The following TTC16 variants were observed in gnomAD, a reference collection of about 807,000 sequenced individuals.
TTC16 encodes tetratricopeptide repeat domain 16.
Under a neutral mutation model 80.4 loss-of-function variants are expected in TTC16, and 66 were observed. The observed-to-expected ratio is 0.82, with a 90% CI of 0.67 to 1.01. TTC16 has a LOEUF of 1.01. Ranked by LOEUF, TTC16 falls within the 50% of genes least tolerant of loss-of-function variation. The probability of loss-of-function intolerance (pLI) is 0.00; values close to 1 mark genes in which losing one functional copy is unlikely to be tolerated. For missense variants in TTC16, 1,070 were observed against 1,103.2 expected, an observed-to-expected ratio of 0.97 and a Z score of 0.43; for synonymous variants, 438 against 451.3, an observed-to-expected ratio of 0.97 and a Z score of 0.37.
chr9:127,729,545 T>TA (rs1210017940), intron 12 of TTC16, 36 bp from the exon 13 acceptor site: 1 of 1,588,122 alleles, frequency 6.3e-7, no homozygotes, highest in East Asian at 2.2e-5. Context: ...ACGGGCCTCC[T>TA]ACCATCTGAA....
intron 6 of TTC16, among the ~76,000 whole-genome samples, chr9:127,721,047 G>A (rs1332937958): frequency 6.7e-6 from 1 of 150,194 alleles, no homozygotes; most frequent in African/African-American, 2.5e-5. Context: ...AACCTGGGCT[G>A]GGCACAGGGA....
Position 127,730,817 on chromosome 9 carries a change from G to T in TTC16, c.2034G>T (p.Gln678His), listed in dbSNP as rs910012985. Residue 678 changes from glutamine (Q) to histidine (H), a missense_variant, in exon 14 of 14, where the codon CAG (glutamine) becomes CAT (histidine). Transcript: ENST00000373289. ...GAAAAATCAAGGCCACCCAGGGCCA[G>T]AGGCAGAGCCTTAGCAAGACTGAGC... ...GPRKIKATQG[Q>H]RQSLSKTEPT... The T allele has an allele frequency of 6.2e-7, 1 of 1,611,328 alleles. No individual in the cohort carries two copies. Among genetic ancestry groups the T allele is most frequent in the Non-Finnish European group, 8.5e-7 (1 of 1,179,304 alleles).
chr9:127,724,389 G>A (rs752288176), intron 8 of TTC16, 25 bp downstream of exon 8: 2 of 1,607,774 alleles, frequency 1.2e-6, no homozygotes, highest in Non-Finnish European at 1.7e-6. Context: ...GGGCACTGGG[G>A]AGGGGGGGTG....
chr9:127,717,025 C>T lies in TTC16; in HGVS notation c.191+9C>T, dbSNP rs754160589. The T allele has an allele frequency of 1.2e-6, 2 of 1,609,576 alleles. No individual in the cohort carries two copies. Among genetic ancestry groups the T allele is most frequent in the South Asian group, 2.2e-5 (2 of 90,954 alleles). ...CTCAAAGTCAGGGAATAGTGAGTGA[C>T]TACCTTGCTTTGGGGTCCCAGGTTC... is the stretch of plus-strand genomic sequence containing the variant. On this transcript the variant is annotated intron_variant, in intron 2 of 13. Transcript: ENST00000373289.
At chr9:127,724,577 C>G in intron 8 of TTC16, 179 bp from the exon 9 acceptor site, 7 of 1,110,106 alleles carry the variant, frequency 6.3e-6, no homozygotes, top group Admixed American at 2.8e-5. Context: ...TTAAAATGCT[C>G]AAAACAGGCA....
chr9:127,720,936 CTTCCTCCT>C (rs913318632), intron 6 of TTC16, among the ~76,000 whole-genome samples: 1 of 136,754 alleles, frequency 7.3e-6, no homozygotes, highest in African/African-American at 2.8e-5. Flanking sequence ...TCCCTTCCCC[CTTCCTCCT>C]TTCCTCCTCT....
At position 127,723,243 on chromosome 9, in the gene TTC16, T is replaced by G; in HGVS notation, c.782T>G (p.Leu261Arg). Residue 261 changes from leucine (L) to arginine (R), a missense_variant, in exon 7 of 14, where the codon CTG becomes CGG. Coordinates refer to ENST00000373289, the MANE Select transcript of TTC16 (RefSeq NM_144965.3). ...AQQARQDAGI[L>R]AVQGKLQHAL... ...CAGGCGCGCCAAGATGCGGGGATCC[T>G]GGCTGTGCAGGGCAAGCTGCAGCAC... is the stretch of plus-strand genomic sequence containing the variant. The G allele has an allele frequency of 1.2e-6, 2 of 1,612,966 alleles. No homozygotes were observed. The highest frequency in any genetic ancestry group is 2.2e-5 in the South Asian group (2 of 91,088).
Position 127,724,146 on chromosome 9 carries a change from A to G in TTC16, c.899A>G (p.Glu300Gly). ...GGCACCATGTACCGACGGCTCCAGG[A>G]GTTCGATGGGGCAGTGGAGGACTTC... ...FRGTMYRRLQ[E>G]FDGAVEDFLK... The change falls in exon 8 of 14, where the codon GAG becomes GGG. Residue 300 changes from glutamate to glycine, a missense_variant. Transcript: ENST00000373289. 6.2e-7 allele frequency: 1 copy of G among 1,612,504 alleles called. No homozygotes were observed. The highest frequency in any genetic ancestry group is 8.5e-7 in the Non-Finnish European group (1 of 1,179,658).
At chr9:127,729,797 G>A (rs537490811) in intron 13 of TTC16, 129 bp downstream of exon 13, 18 of 798,766 alleles carry the variant, frequency 2.3e-5, no homozygotes, top group Non-Finnish European at 3.3e-5. Context: ...GGCCTGGGGC[G>A]AGTGGCTCTA....
chr9:127,729,693 G>T (rs1366942755), intron 13 of TTC16, 25 bp downstream of exon 13: 1 of 1,606,742 alleles, frequency 6.2e-7, no homozygotes, highest in Non-Finnish European at 8.5e-7. Context: ...CTTCCGCCAG[G>T]CCTCAGGAAG....
At position 127,729,763 on chromosome 9, in the gene TTC16, C is replaced by CG. The variant is rs1212672333; in HGVS notation, c.1852+97dup. 4.5e-6 allele frequency: 5 copies of CG among 1,119,326 alleles called. No homozygotes were observed. The African/African-American group carries it at 4.6e-5, about 10-fold the overall frequency. The allele number at this position is 1,119,326 out of a possible 1,614,324, so 69.3% of individuals were successfully genotyped here. A position where few individuals can be genotyped will look rare whatever the true frequency, so the allele number is the denominator to read the frequency against. Reference sequence around the variant, plus strand: ...AAGACCGCTGGCCTAGGTGTGCGTTCGGCCCCGCTGCTGACAGCTGGGTGG... The same window carrying CG: ...AAGACCGCTGGCCTAGGTGTGCGTTCGGGCCCCGCTGCTGACAGCTGGGTGG... On this transcript the variant is annotated intron_variant, in intron 13 of 13. Transcript: ENST00000373289.
Position 127,717,344 on chromosome 9 carries a change from G to A in TTC16, c.202G>A (p.Gly68Ser), listed in dbSNP as rs1368721156. Residue 68 changes from glycine to serine, a missense_variant, in exon 3 of 14, where the codon GGC becomes AGC. Coordinates refer to ENST00000373289, the MANE Select transcript of TTC16 (RefSeq NM_144965.3). ...PLKVREYYSR[G>S]QQCLEQADWE... ...CCACTTTCCCCACAGCTACTCCAGA[G>A]GCCAGCAGTGCTTGGAGCAGGCAGA... 6.2e-7 allele frequency: 1 copy of A among 1,611,168 alleles called. No homozygotes were observed. The highest frequency in any genetic ancestry group is 8.5e-7 in the Non-Finnish European group (1 of 1,180,002).
In TTC16 at chr9:127,731,560, T is replaced by C. The variant is rs1382083965; in HGVS notation, c.*155T>C. ...AGCTGAGTTTATTATACTTGTTTTCTTTTACAAAATTAAAAACATCTAAAA... is the reference window on the plus strand; with the variant it reads ...AGCTGAGTTTATTATACTTGTTTTCCTTTACAAAATTAAAAACATCTAAAA... On this transcript the variant is annotated 3_prime_UTR_variant, in exon 14 of 14. Coordinates refer to ENST00000373289, the MANE Select transcript of TTC16 (RefSeq NM_144965.3). 20 of 1,411,058 alleles carry C rather than the reference T, an allele frequency of 1.4e-5. No individual in the cohort carries two copies. Among genetic ancestry groups the C allele is most frequent in the Non-Finnish European group, 1.8e-5 (19 of 1,080,376 alleles). The allele number at this position is 1,411,058 out of a possible 1,614,324, so 87.4% of individuals were successfully genotyped here. A position where few individuals can be genotyped will look rare whatever the true frequency, so the allele number is the denominator to read the frequency against.
Position 127,724,109 on chromosome 9 carries a change from C to A in TTC16, c.873-11C>A. 6.3e-7 allele frequency: 1 copy of A among 1,597,652 alleles called. No homozygotes were observed. On this transcript the variant is annotated splice_polypyrimidine_tract_variant and intron_variant, in intron 7 of 13. Transcript: ENST00000373289. ...TGTCCCTCCTGCCGTCTCCCACGCC[C>A]CCCCCGACAGGGGCACCATGTACCG...
rs537490811 is a variant in TTC16, at chr9:127,729,797, G to T, written c.1852+129G>T. On this transcript the variant is annotated intron_variant, in intron 13 of 13. Transcript: ENST00000373289. ...TGCTGACAGCTGGGTGGCCTGGGGCGAGTGGCTCTAGAGCGGGAGTAACAC... is the reference window on the plus strand; with the variant it reads ...TGCTGACAGCTGGGTGGCCTGGGGCTAGTGGCTCTAGAGCGGGAGTAACAC... 182 of 798,880 alleles carry T rather than the reference G, an allele frequency of 2.3e-4. 1 individual carries two copies. Among genetic ancestry groups the T allele is most frequent in the Non-Finnish European group, 3.1e-4 (154 of 488,938 alleles). 49.5% of individuals were successfully genotyped at this position (798,880 alleles called of 1,614,324 possible). A position where few individuals can be genotyped will look rare whatever the true frequency, so the allele number is the denominator to read the frequency against.
In TTC16 at chr9:127,731,577, C is replaced by T. The variant is rs1334352086; in HGVS notation, c.*172C>T. On this transcript the variant is annotated 3_prime_UTR_variant, in exon 14 of 14. Coordinates refer to ENST00000373289, the MANE Select transcript of TTC16 (RefSeq NM_144965.3). The stretch of plus-strand genomic sequence containing the variant: ...TTGTTTTCTTTTACAAAATTAAAAA[C>T]ATCTAAAACCAGGCCCAAGTGGCAG... 3.0e-5 allele frequency: 42 copies of T among 1,385,470 alleles called. No individual in the cohort carries two copies. The highest frequency in any genetic ancestry group is 3.7e-5 in the Non-Finnish European group (39 of 1,060,188). 85.8% of individuals were successfully genotyped at this position (1,385,470 alleles called of 1,614,324 possible).
In TTC16 at chr9:127,723,241, C is replaced by A; in HGVS notation, c.780C>A (p.Ile260=). 6.2e-7 allele frequency: 1 copy of A among 1,612,940 alleles called. No homozygotes were observed. The highest frequency in any genetic ancestry group is 8.5e-7 in the Non-Finnish European group (1 of 1,180,042). Reference sequence around the variant, plus strand: ...AGCAGGCGCGCCAAGATGCGGGGATCCTGGCTGTGCAGGGCAAGCTGCAGC... The same window carrying A: ...AGCAGGCGCGCCAAGATGCGGGGATACTGGCTGTGCAGGGCAAGCTGCAGC... ...QAQQARQDAG[I]LAVQGKLQHA... is the part of the protein sequence containing the mutation. Residue 260 remains isoleucine, a synonymous_variant, in exon 7 of 14, where the codon ATC becomes ATA. Coordinates refer to ENST00000373289, the MANE Select transcript of TTC16 (RefSeq NM_144965.3).
chr9:127,728,532 C>T (rs1219303196), intron 12 of TTC16: 1 of 152,226 alleles, frequency 6.6e-6, no homozygotes, highest in East Asian at 1.9e-4. Flanking sequence ...CGGTGGCTGA[C>T]ACCTGTAATC....
intron 12 of TTC16, 131 bp downstream of exon 12, chr9:127,727,596 G>A: frequency 7.0e-7 from 1 of 1,431,806 alleles, no homozygotes; most frequent in South Asian, 1.5e-5. Context: ...TCAGCTGTGT[G>A]ATGGGCTGGG....
Sources: allele counts gnomAD v4.1 joint callset (sites outside exome capture counted in the v4.1 genomes callset), GRCh38; gene constraint gnomAD v4.1.1; transcripts MANE v1.5; gene names NCBI Gene and HGNC (gene_info 2026-07-23, HGNC 2026-07-21).